ZNF892: variants seen among roughly 807,000 people sequenced by gnomAD.
ZNF892 encodes the protein zinc finger protein 892.
the ZNF892 span, among the ~76,000 whole-genome samples, chr2:95,221,278 G>A: frequency 6.6e-6 from 1 of 152,208 alleles, no homozygotes; most frequent in Non-Finnish European, 1.5e-5. Context: ...AAAAACAACT[G>A]TGAATATAAT....
At chr2:95,259,927 C>A in the ZNF892 span, among the ~76,000 whole-genome samples, 1 of 152,164 alleles carries the variant, frequency 6.6e-6, no homozygotes, top group Non-Finnish European at 1.5e-5. Context: ...GGCTATTATT[C>A]CCACAGGAGT....
At chr2:95,242,640 A>G in the ZNF892 span, among the ~76,000 whole-genome samples, 1 of 152,218 alleles carries the variant, frequency 6.6e-6, no homozygotes, top group South Asian at 2.1e-4. Flanking sequence ...GTCACAAATA[A>G]CAATACTAAC....
chr2:95,219,597 A>C, the ZNF892 span, among the ~76,000 whole-genome samples: 83 of 152,214 alleles, frequency 5.5e-4, 1 homozygote, highest in African/African-American at 1.9e-3. Flanking sequence ...TTCTCATTTA[A>C]GTTGAGATTT....
chr2:95,254,589 G>A, the ZNF892 span, among the ~76,000 whole-genome samples: 1 of 152,178 alleles, frequency 6.6e-6, no homozygotes, highest in African/African-American at 2.4e-5. Context: ...GATGATGCTG[G>A]CCTCATAAAA....
the ZNF892 span, among the ~76,000 whole-genome samples, chr2:95,255,102 A>G: frequency 6.6e-6 from 1 of 151,882 alleles, no homozygotes; most frequent in East Asian, 1.9e-4. Flanking sequence ...GATCTTAGTT[A>G]TTTCTTGCCT....
the ZNF892 span, among the ~76,000 whole-genome samples, chr2:95,240,189 C>T: frequency 4.6e-5 from 7 of 151,942 alleles, no homozygotes; most frequent in East Asian, 1.9e-4. Context: ...GAAGCAGCTG[C>T]GGTTTGCAGC....
chr2:95,220,575 C>T, the ZNF892 span, among the ~76,000 whole-genome samples: 9 of 152,054 alleles, frequency 5.9e-5, no homozygotes, highest in Admixed American at 2.6e-4. Flanking sequence ...TTAGTGAGAG[C>T]GATAGGAGAA....
At chr2:95,208,314 C>T in the ZNF892 span, among the ~76,000 whole-genome samples, 5 of 152,262 alleles carry the variant, frequency 3.3e-5, no homozygotes, top group East Asian at 9.7e-4. Context: ...CTTCGTTTAT[C>T]CTGTGAGCCT....
At chr2:95,228,702 C>T in the ZNF892 span, among the ~76,000 whole-genome samples, 2 of 152,238 alleles carry the variant, frequency 1.3e-5, no homozygotes, top group East Asian at 1.9e-4. Context: ...GTTATTCCTC[C>T]CACATTTAGT....
chr2:95,260,636 C>T, the ZNF892 span, among the ~76,000 whole-genome samples: 1 of 152,182 alleles, frequency 6.6e-6, no homozygotes, highest in Admixed American at 6.5e-5. Context: ...AAGCCAGTCT[C>T]CTGGGTTCTC....
the ZNF892 span, among the ~76,000 whole-genome samples, chr2:95,253,015 A>T: frequency 6.6e-6 from 1 of 151,808 alleles, no homozygotes; most frequent in African/African-American, 2.4e-5. Flanking sequence ...GATTGCAAAA[A>T]TTTTCTCCCA....
At chr2:95,258,368 A>C in the ZNF892 span, among the ~76,000 whole-genome samples, 1 of 152,202 alleles carries the variant, frequency 6.6e-6, no homozygotes, top group Non-Finnish European at 1.5e-5. Flanking sequence ...GCACAATCTA[A>C]GCTGATCCTG....
At chr2:95,255,298 C>T in the ZNF892 span, among the ~76,000 whole-genome samples, 2 of 152,178 alleles carry the variant, frequency 1.3e-5, no homozygotes, top group African/African-American at 2.4e-5. Context: ...TCGTTGGTTT[C>T]AAAGAACATC....
the ZNF892 span, among the ~76,000 whole-genome samples, chr2:95,208,028 C>G: frequency 5.3e-5 from 8 of 152,306 alleles, no homozygotes; most frequent in Admixed American, 1.3e-4. Flanking sequence ...CTGGATGCCT[C>G]CCTTGCTCAA....
chr2:95,222,915 A>G, the ZNF892 span, among the ~76,000 whole-genome samples: 2 of 152,194 alleles, frequency 1.3e-5, no homozygotes. Flanking sequence ...GGTAATTTTT[A>G]TATAAGGTGT....
chr2:95,254,223 T>C, the ZNF892 span, among the ~76,000 whole-genome samples: 1 of 152,228 alleles, frequency 6.6e-6, no homozygotes, highest in Non-Finnish European at 1.5e-5. Flanking sequence ...GGTTTTGTCA[T>C]AGATAGCTCT....
chr2:95,211,570 C>T, the ZNF892 span: 2 of 398,162 alleles, frequency 5.0e-6, no homozygotes, highest in African/African-American at 4.1e-5. Context: ...CTTCAGAGGC[C>T]TCTGTAAGGA....
the ZNF892 span, among the ~76,000 whole-genome samples, chr2:95,209,524 A>G: frequency 2.2e-4 from 33 of 152,220 alleles, 1 homozygote; most frequent in Admixed American, 2.1e-3. Flanking sequence ...TGGCCAAGAC[A>G]GTGGGAGATT....
chr2:95,212,367 C>A, the ZNF892 span: 1 of 397,708 alleles, frequency 2.5e-6, no homozygotes, highest in Non-Finnish European at 4.4e-6. Context: ...TTTTGCTAGA[C>A]CCATGGAAAA....
Sources: allele counts gnomAD v4.1 joint callset (sites outside exome capture counted in the v4.1 genomes callset), GRCh38; gene constraint gnomAD v4.1.1; transcripts MANE v1.5; gene names NCBI Gene and HGNC (gene_info 2026-07-23, HGNC 2026-07-21).